GRK5: variants seen among roughly 807,000 people sequenced by gnomAD.
The protein encoded by GRK5 is G protein-coupled receptor kinase 5.
A neutral mutation model predicts 78.4 loss-of-function variants in GRK5; 40 were observed. The observed-to-expected ratio is 0.51, with a 90% CI of 0.40 to 0.66. The LOEUF is 0.66. GRK5 is among the 30% of genes least tolerant of loss of function. The pLI, the probability that GRK5 is intolerant of heterozygous loss-of-function variation, is 0.00. For synonymous variants in GRK5, 289 were observed against 296.8 expected, an observed-to-expected ratio of 0.97 and a Z score of 0.27; for missense variants, 598 against 759.9, an observed-to-expected ratio of 0.79 and a Z score of 2.50.
At chr10:119,229,624 C>G (rs533803673) in intron 1 of GRK5, among the ~76,000 whole-genome samples, 56 of 152,300 alleles carry the variant, frequency 3.7e-4, no homozygotes, top group African/African-American at 1.3e-3. Context: ...TCTTCAGGAC[C>G]TTCCAGCCTA....
intron 1 of GRK5, among the ~76,000 whole-genome samples, chr10:119,214,762 C>T (rs1453509000): frequency 2.0e-5 from 3 of 152,202 alleles, no homozygotes; most frequent in African/African-American, 7.2e-5. Context: ...CTCAAGCAAT[C>T]CATCCACCTT....
chr10:119,433,301 C>T (rs1007997312), intron 8 of GRK5, among the ~76,000 whole-genome samples: 7 of 152,196 alleles, frequency 4.6e-5, no homozygotes, highest in Non-Finnish European at 1.0e-4. Flanking sequence ...CACTGCCAGC[C>T]GCTTCAGCAG....
At chr10:119,314,754 T>C (rs1850455293) in intron 1 of GRK5, among the ~76,000 whole-genome samples, 1 of 152,186 alleles carries the variant, frequency 6.6e-6, no homozygotes, top group Non-Finnish European at 1.5e-5. Flanking sequence ...AGCAGTCTCC[T>C]CCTGACGCCA....
intron 1 of GRK5, among the ~76,000 whole-genome samples, chr10:119,277,293 C>T (rs142545347): frequency 1.8e-3 from 278 of 152,290 alleles, no homozygotes; most frequent in African/African-American, 6.4e-3. Context: ...ACTGCGTGAA[C>T]TTCTTGCTTC....
intron 2 of GRK5, among the ~76,000 whole-genome samples, chr10:119,344,861 C>T (rs1851052298): frequency 6.6e-6 from 1 of 151,834 alleles, no homozygotes; most frequent in African/African-American, 2.4e-5. Context: ...GCCAGCCAGC[C>T]ACAAGACCCA....
chr10:119,212,982 A>G (rs1005968872), intron 1 of GRK5: 3 of 152,330 alleles, frequency 2.0e-5, no homozygotes, highest in East Asian at 1.9e-4. Context: ...CTCGGCATCA[A>G]TATGGTGACC....
chr10:119,346,259 G>C (rs1387279528), intron 2 of GRK5, among the ~76,000 whole-genome samples: 1 of 152,214 alleles, frequency 6.6e-6, no homozygotes, highest in Non-Finnish European at 1.5e-5. Flanking sequence ...CCGCAGCGGG[G>C]CCGAGGAGAG....
chr10:119,325,960 T>C (rs1285207296), intron 1 of GRK5, among the ~76,000 whole-genome samples: 1 of 152,166 alleles, frequency 6.6e-6, no homozygotes, highest in Non-Finnish European at 1.5e-5. Context: ...AGTCCCTCCT[T>C]CCTTCCAGCC....
At chr10:119,449,262 A>G (rs1018446184) in intron 13 of GRK5, among the ~76,000 whole-genome samples, 2 of 152,190 alleles carry the variant, frequency 1.3e-5, no homozygotes, top group African/African-American at 4.8e-5. Context: ...CCTCTCCCAG[A>G]ACCAGTGGTT....
intron 1 of GRK5, among the ~76,000 whole-genome samples, chr10:119,236,224 TC>T (rs1848923458): frequency 6.6e-6 from 1 of 152,156 alleles, no homozygotes; most frequent in Non-Finnish European, 1.5e-5. Flanking sequence ...ATTTTTTTTT[TC>T]TTTTTTTTGA....
chr10:119,396,792 CCACAGCAG>C lies in GRK5; in HGVS notation c.339+21_339+28del, dbSNP rs1564919017. 6.3e-7 allele frequency: 1 copy of C among 1,595,248 alleles called. No individual in the cohort carries two copies. The highest frequency in any genetic ancestry group is 8.6e-7 in the Non-Finnish European group (1 of 1,162,866). On this transcript the variant is annotated intron_variant, in intron 4 of 15. Transcript: ENST00000392870. Reference sequence around the variant, plus strand: ...CCAAAGGTAAGGAGTCTTCCAAACCCCACAGCAGGTGGCACAGGAGGCCTTATGCAAAA... The same window carrying C: ...CCAAAGGTAAGGAGTCTTCCAAACCCGTGGCACAGGAGGCCTTATGCAAAA...
chr10:119,351,361 G>C (rs1851182563), intron 2 of GRK5, among the ~76,000 whole-genome samples: 1 of 152,192 alleles, frequency 6.6e-6, no homozygotes, highest in Admixed American at 6.5e-5. Flanking sequence ...TGTTGTGGGA[G>C]GGACCTGATG....
chr10:119,259,113 G>A (rs1849331984), intron 1 of GRK5, among the ~76,000 whole-genome samples: 1 of 140,016 alleles, frequency 7.1e-6, no homozygotes, highest in East Asian at 2.2e-4. Context: ...CGCCCAGGCC[G>A]GACTGCAGTG....
chr10:119,291,888 C>T (rs1349642840), intron 1 of GRK5, among the ~76,000 whole-genome samples: 2 of 149,852 alleles, frequency 1.3e-5, no homozygotes, highest in African/African-American at 2.5e-5. Flanking sequence ...CCTCCTCCTT[C>T]TGCTCATCTT....
At chr10:119,411,539 C>A (rs968864078) in intron 4 of GRK5, among the ~76,000 whole-genome samples, 27 of 152,100 alleles carry the variant, frequency 1.8e-4, no homozygotes, top group African/African-American at 6.5e-4. Flanking sequence ...TGAGGGGGGA[C>A]TGAAGCTTAA....
intron 2 of GRK5, among the ~76,000 whole-genome samples, chr10:119,344,890 C>T (rs567443663): frequency 1.5e-5 from 2 of 136,312 alleles, no homozygotes; most frequent in African/African-American, 5.8e-5. Context: ...TCCTTCCTTC[C>T]TTCCTTCCTT....
At chr10:119,391,942 G>T (rs1287766351) in intron 3 of GRK5, among the ~76,000 whole-genome samples, 2 of 152,230 alleles carry the variant, frequency 1.3e-5, no homozygotes, top group South Asian at 2.1e-4. Flanking sequence ...GCAGAAGAAG[G>T]TCTCCTGGGA....
At chr10:119,290,407 A>G (rs979572032) in intron 1 of GRK5, among the ~76,000 whole-genome samples, 15 of 150,712 alleles carry the variant, frequency 1.0e-4, no homozygotes, top group African/African-American at 3.7e-4. Context: ...CGTCACCTCT[A>G]ACCTCTACGG....
At chr10:119,367,710 G>C (rs1216090874) in intron 2 of GRK5, among the ~76,000 whole-genome samples, 1 of 152,224 alleles carries the variant, frequency 6.6e-6, no homozygotes, top group Non-Finnish European at 1.5e-5. Context: ...AAAGAGTATT[G>C]GATGCTCTGC....
Sources: gnomAD v4.1 joint callset for allele counts (sites outside exome capture counted in the v4.1 genomes callset) on GRCh38, gnomAD v4.1.1 for gene constraint, MANE v1.5 for transcripts, NCBI Gene and HGNC (gene_info 2026-07-23, HGNC 2026-07-21) for gene names.